PLPP5: variants seen among roughly 807,000 people sequenced by gnomAD.
The protein encoded by PLPP5 is phospholipid phosphatase 5, also known as diacylglycerol pyrophosphate like 1.
A neutral mutation model predicts 23.6 loss-of-function variants in PLPP5; 29 were observed. The ratio of observed to expected loss-of-function variants is 1.23; its 90% CI spans 0.92 to 1.68. The LOEUF (loss-of-function observed/expected upper bound fraction) is 1.68. PLPP5 is among the 40% of genes most tolerant of loss of function. PLPP5 has a pLI of 0.00. For missense variants in PLPP5, 315 were observed against 332.1 expected, an observed-to-expected ratio of 0.95 and a Z score of 0.40; for synonymous variants, 143 against 131.3, an observed-to-expected ratio of 1.09 and a Z score of -0.61.
chr8:38,264,100 A>G lies in PLPP5; in HGVS notation c.*344T>C. 1.0e-5 allele frequency: 10 copies of G among 995,156 alleles called. No homozygotes were observed. The highest frequency in any genetic ancestry group is 1.2e-5 in the Non-Finnish European group (10 of 836,544). 61.6% of individuals were successfully genotyped at this position (995,156 alleles called of 1,614,324 possible). A position where few individuals can be genotyped will look rare whatever the true frequency, so the allele number is the denominator to read the frequency against. The stretch of plus-strand genomic sequence containing the variant: ...AAGGCTAGAATTTCTTGTCTTGTGC[A>G]TGGTCCGGTTAGGAGGGCTAGTTCA... On this transcript the variant is annotated 3_prime_UTR_variant, in exon 7 of 7. Coordinates refer to ENST00000424479, the MANE Select transcript of PLPP5 (RefSeq NM_001102559.2).
chr8:38,267,900 CCTA>C lies in PLPP5; in HGVS notation c.332_334del (p.Val111del). The C allele has an allele frequency of 6.2e-7, 1 of 1,613,992 alleles. No homozygotes were observed. The highest frequency in any genetic ancestry group is 1.1e-5 in the South Asian group (1 of 91,082). On this transcript the variant is annotated inframe_deletion, in exon 4 of 7. Transcript: ENST00000424479. ...GTGGTTAGCTGTTGTCACTTACCTC[CCTA>C]CGATCAGTTTTATTGTGTTGGTAAA...
intron 3 of PLPP5, 154 bp from the exon 4 acceptor site, chr8:38,268,114 T>C: frequency 1.4e-6 from 2 of 1,457,456 alleles, no homozygotes; most frequent in Non-Finnish European, 1.8e-6. Context: ...ATCACTCTTT[T>C]GTAGCCGAGA....
At chr8:38,269,024 C>T in intron 1 of PLPP5, 34 bp from the exon 2 acceptor site, 1 of 1,543,356 alleles carries the variant, frequency 6.5e-7, no homozygotes, top group Non-Finnish European at 8.7e-7. Context: ...GAGCAGGTCG[C>T]CTGGCTTCCT....
chr8:38,267,687 G>A (rs1807862389), intron 4 of PLPP5: 4 of 634,236 alleles, frequency 6.3e-6, no homozygotes, highest in Non-Finnish European at 1.1e-5. Context: ...GCCGTTGGTG[G>A]GAAATGCTGT....
chr8:38,263,689 A>G lies in PLPP5; in HGVS notation c.*755T>C, dbSNP rs1397688651. ...TGATGGAATTGTCATCAGAGAAGGTAAACAGAATCAAAGTAATTTAGTTGG... is the reference window on the plus strand; with the variant it reads ...TGATGGAATTGTCATCAGAGAAGGTGAACAGAATCAAAGTAATTTAGTTGG... On this transcript the variant is annotated 3_prime_UTR_variant, in exon 7 of 7. Coordinates refer to ENST00000424479, the MANE Select transcript of PLPP5 (RefSeq NM_001102559.2). 38 of 985,290 alleles carry G rather than the reference A, an allele frequency of 3.9e-5. No homozygotes were observed. The highest frequency in any genetic ancestry group is 4.5e-5 in the Non-Finnish European group (37 of 829,796). 61.0% of individuals were successfully genotyped at this position (985,290 alleles called of 1,614,324 possible). A position where few individuals can be genotyped will look rare whatever the true frequency, so the allele number is the denominator to read the frequency against.
Position 38,263,751 on chromosome 8 carries a change from A to T in PLPP5, c.*693T>A. On this transcript the variant is annotated 3_prime_UTR_variant, in exon 7 of 7. Coordinates refer to ENST00000424479, the MANE Select transcript of PLPP5 (RefSeq NM_001102559.2). Reference sequence around the variant, plus strand: ...ATTTTAAGATTTTGAGCTATATGAAATGGAAATTAAGTTTTGATAATGAAC... The same window carrying T: ...ATTTTAAGATTTTGAGCTATATGAATTGGAAATTAAGTTTTGATAATGAAC... 1.0e-6 allele frequency: 1 copy of T among 985,444 alleles called. No homozygotes were observed. Among genetic ancestry groups the T allele is most frequent in the South Asian group, 4.7e-5 (1 of 21,292 alleles). 61.0% of individuals were successfully genotyped at this position (985,444 alleles called of 1,614,324 possible). A position where few individuals can be genotyped will look rare whatever the true frequency, so the allele number is the denominator to read the frequency against.
In PLPP5 at chr8:38,267,307, C is replaced by T; in HGVS notation, c.423G>A (p.Val141=). The T allele has an allele frequency of 1.2e-6, 2 of 1,614,040 alleles. No individual in the cohort carries two copies. Among genetic ancestry groups the T allele is most frequent in the Non-Finnish European group, 8.5e-7 (1 of 1,179,898 alleles). Reference sequence around the variant, plus strand: ...TGGGGAAGCTCTTTCGGCCCTCATTCACCACGTCCTTATCCCCTGTACACA... The same window carrying T: ...TGGGGAAGCTCTTTCGGCCCTCATTTACCACGTCCTTATCCCCTGTACACA... ...DLMCTGDKDV[V]NEGRKSFPSG... is the part of the protein sequence containing the mutation. Residue 141 remains valine (V), a synonymous_variant, in exon 5 of 7, where the codon GTG becomes GTA. Transcript: ENST00000424479.
chr8:38,265,840 CAATG>C (rs1457800555), intron 6 of PLPP5, among the ~76,000 whole-genome samples: 3 of 152,188 alleles, frequency 2.0e-5, no homozygotes, highest in African/African-American at 7.2e-5. Flanking sequence ...AGTCCTATGA[CAATG>C]AACCTGATTT....
intron 4 of PLPP5, 26 bp from the exon 5 acceptor site, chr8:38,267,417 C>T (rs1449831912): frequency 6.2e-7 from 1 of 1,605,688 alleles, no homozygotes; most frequent in East Asian, 2.2e-5. Context: ...ATGGTTGGAA[C>T]GTAAATCATT....
rs983634827 is a variant in PLPP5, at chr8:38,264,317, T to G, written c.*127A>C. The G allele has an allele frequency of 4.9e-6, 4 of 820,260 alleles. No homozygotes were observed. The highest frequency in any genetic ancestry group is 6.9e-6 in the Non-Finnish European group (4 of 579,120). The allele number at this position is 820,260 out of a possible 1,614,324, so 50.8% of individuals were successfully genotyped here. Reference sequence around the variant, plus strand: ...ACACAACTCCTGGCTAATTTTTGTATTTTTAGTAGAGACAGGGTTCACCAT... The same window carrying G: ...ACACAACTCCTGGCTAATTTTTGTAGTTTTAGTAGAGACAGGGTTCACCAT... On this transcript the variant is annotated 3_prime_UTR_variant, in exon 7 of 7. Coordinates refer to ENST00000424479, the MANE Select transcript of PLPP5 (RefSeq NM_001102559.2).
In PLPP5 at chr8:38,263,612, G is replaced by GCA. The variant is rs1194797935; in HGVS notation, c.*830_*831dup. ...CCAGATGGCTGGACTCAGATAAGATGCACACAAAAGTGATAAATTACCCTA... is the reference window on the plus strand; with the variant it reads ...CCAGATGGCTGGACTCAGATAAGATGCACACACAAAAGTGATAAATTACCCTA... On this transcript the variant is annotated 3_prime_UTR_variant, in exon 7 of 7. Coordinates refer to ENST00000424479, the MANE Select transcript of PLPP5 (RefSeq NM_001102559.2). 1 of 985,232 alleles carries GCA rather than the reference G, an allele frequency of 1.0e-6. No individual in the cohort carries two copies. The highest frequency in any genetic ancestry group is 1.2e-6 in the Non-Finnish European group (1 of 829,902). The allele number at this position is 985,232 out of a possible 1,614,324, so 61.0% of individuals were successfully genotyped here.
rs1334091567 is a variant in PLPP5, at chr8:38,268,958, A to T, written c.107T>A (p.Leu36His). Residue 36 changes from leucine to histidine, a missense_variant, in exon 2 of 7, where the codon CTC (leucine) becomes CAC (histidine). By Grantham distance (99) the Leu-to-His change is moderately conservative (BLOSUM62 -3). Transcript: ENST00000424479. ...VTELLPPFQR[L>H]IQPEEMWLYR... ...GAGCCACATCTCCTCCGGCTGGATGAGTCTCTGGAACGGGGGGAGCAGCTC... is the reference window on the plus strand; with the variant it reads ...GAGCCACATCTCCTCCGGCTGGATGTGTCTCTGGAACGGGGGGAGCAGCTC... 1 of 1,566,680 alleles carries T rather than the reference A, an allele frequency of 6.4e-7. No individual in the cohort carries two copies. Among genetic ancestry groups the T allele is most frequent in the East Asian group, 2.4e-5 (1 of 40,988 alleles).
chr8:38,268,597 G>C, intron 2 of PLPP5, 136 bp from the exon 3 acceptor site: 2 of 1,454,644 alleles, frequency 1.4e-6, no homozygotes. Flanking sequence ...CCGGGCGCCA[G>C]GCAGCGCCAC....
chr8:38,264,696 A>C, intron 6 of PLPP5, 92 bp from the exon 7 acceptor site: 1 of 1,433,018 alleles, frequency 7.0e-7, no homozygotes, highest in Non-Finnish European at 9.2e-7. Flanking sequence ...CCTCCAGGAT[A>C]CTCTACTGTG....
At position 38,263,932 on chromosome 8, in the gene PLPP5, C is replaced by T; in HGVS notation, c.*512G>A. 1 of 985,226 alleles carries T rather than the reference C, an allele frequency of 1.0e-6. No homozygotes were observed. The highest frequency in any genetic ancestry group is 4.7e-5 in the South Asian group (1 of 21,280). The allele number at this position is 985,226 out of a possible 1,614,324, so 61.0% of individuals were successfully genotyped here. A position where few individuals can be genotyped will look rare whatever the true frequency, so the allele number is the denominator to read the frequency against. On this transcript the variant is annotated 3_prime_UTR_variant, in exon 7 of 7. Coordinates refer to ENST00000424479, the MANE Select transcript of PLPP5 (RefSeq NM_001102559.2). The stretch of plus-strand genomic sequence containing the variant: ...AGGTGTTGGACACCTTTGAAAGATC[C>T]TTTTACTAGAACATGTGGCATACAG...
intron 6 of PLPP5, 69 bp downstream of exon 6, chr8:38,266,072 T>C (rs1179839871): frequency 4.8e-6 from 7 of 1,449,460 alleles, no homozygotes; most frequent in Non-Finnish European, 6.6e-6. Context: ...AAGCATCTCC[T>C]CTGTGCTAGG....
At chr8:38,268,758 C>G (rs1382357776) in intron 2 of PLPP5, 124 bp downstream of exon 2, 1 of 1,436,922 alleles carries the variant, frequency 7.0e-7, no homozygotes, top group Non-Finnish European at 9.1e-7. Context: ...GAGGCGGAAC[C>G]CAGCGCACAG....
intron 6 of PLPP5, 156 bp from the exon 7 acceptor site, chr8:38,264,760 T>G (rs1807321642): frequency 6.9e-7 from 1 of 1,455,974 alleles, no homozygotes; most frequent in Non-Finnish European, 9.1e-7. Context: ...AATCTTTTTA[T>G]TCTCAATTTT....
At chr8:38,264,865 C>T in intron 6 of PLPP5, 1 of 1,609,584 alleles carries the variant, frequency 6.2e-7, no homozygotes, top group Admixed American at 1.7e-5. Context: ...TCAGAGTGTA[C>T]TAAATTAGAA....
Sources: allele counts gnomAD v4.1 joint callset (sites outside exome capture counted in the v4.1 genomes callset), GRCh38; gene constraint gnomAD v4.1.1; transcripts MANE v1.5; gene names NCBI Gene and HGNC (gene_info 2026-07-23, HGNC 2026-07-21).